Variants in USH2A observed in about 807,000 individuals in gnomAD.
The protein encoded by USH2A is usherin.
A neutral mutation model predicts 538.9 loss-of-function variants in USH2A; 443 were observed. The observed-to-expected ratio is 0.82, with a 90% CI of 0.76 to 0.89. USH2A has a LOEUF of 0.89. USH2A is among the 40% of genes least tolerant of loss of function. The pLI is 0.00. For missense variants in USH2A, 6,633 were observed against 6,324.8 expected, an observed-to-expected ratio of 1.05 and a Z score of -1.65; for synonymous variants, 2,413 against 2,273.5, an observed-to-expected ratio of 1.06 and a Z score of -1.75.
intron 4 of USH2A, among the ~76,000 whole-genome samples, chr1:216,349,585 TC>T (rs1188088305): frequency 1.3e-5 from 2 of 152,030 alleles, no homozygotes; most frequent in African/African-American, 4.8e-5. Flanking sequence ...TCACTGATAC[TC>T]TCCCATCAGT....
chr1:216,347,596 G>A (rs1213388870), intron 4 of USH2A, among the ~76,000 whole-genome samples: 2 of 152,052 alleles, frequency 1.3e-5, no homozygotes, highest in Non-Finnish European at 2.9e-5. Context: ...GTAAAAATAT[G>A]TTATTGGTTT....
intron 2 of USH2A, among the ~76,000 whole-genome samples, chr1:216,420,337 TG>T (rs1157031552): frequency 4.6e-5 from 7 of 152,142 alleles, no homozygotes; most frequent in African/African-American, 1.4e-4. Context: ...ATACTAGCTT[TG>T]GTAGATAATA....
chr1:216,280,104 C>T (rs1425039307), intron 11 of USH2A, among the ~76,000 whole-genome samples: 1 of 151,454 alleles, frequency 6.6e-6, no homozygotes. Flanking sequence ...AGGCCTGGGA[C>T]TCTATTTGAT....
At position 215,670,410 on chromosome 1, in the gene USH2A, C is replaced by T. The variant is rs1571944974; in HGVS notation, c.14133+562G>A. On this transcript the variant is annotated intron_variant, in intron 64 of 71. Coordinates refer to ENST00000307340, the MANE Select transcript of USH2A (RefSeq NM_206933.4). ...ACAAAACAAACCTAACAGAAGTCCT[C>T]CACAGAATTCACCATATTTTCTGAA... is the stretch of plus-strand genomic sequence containing the variant. 2.6e-5 allele frequency among the ~76,000 whole-genome samples: 4 copies of T among 152,278 alleles called. No individual in the cohort carries two copies. In the Middle Eastern group the frequency reaches 0.01, roughly 388 times the overall value.
At position 215,671,380 on chromosome 1, in the gene USH2A, A is replaced by G. The variant is rs1050533087; in HGVS notation, c.13812-87T>C. 3.0e-6 allele frequency: 4 copies of G among 1,355,680 alleles called. No homozygotes were observed. In the African/African-American group the frequency reaches 5.8e-5, roughly 20 times the overall value. 84.0% of individuals were successfully genotyped at this position (1,355,680 alleles called of 1,614,324 possible). On this transcript the variant is annotated intron_variant, in intron 63 of 71. Coordinates refer to ENST00000307340, the MANE Select transcript of USH2A (RefSeq NM_206933.4). Reference sequence around the variant, plus strand: ...TTTAAAACACCAGGCCTTAAAAAAAAAAGACAAGCTTACATGTATTCTTAT... The same window carrying G: ...TTTAAAACACCAGGCCTTAAAAAAAGAAGACAAGCTTACATGTATTCTTAT...
intron 61 of USH2A, among the ~76,000 whole-genome samples, chr1:215,722,969 A>G (rs371812791): frequency 1.2e-4 from 18 of 152,268 alleles, no homozygotes; most frequent in African/African-American, 3.6e-4. Flanking sequence ...AATATCGCCA[A>G]CCTTGCCAGG....
At chr1:215,996,947 G>C (rs1053878419) in intron 34 of USH2A, among the ~76,000 whole-genome samples, 3 of 152,078 alleles carry the variant, frequency 2.0e-5, no homozygotes, top group Admixed American at 2.0e-4. Context: ...TAAAGGCTTT[G>C]TTATCTTTAT....
At chr1:215,965,047 T>C (rs896363600) in intron 37 of USH2A, among the ~76,000 whole-genome samples, 46 of 152,258 alleles carry the variant, frequency 3.0e-4, no homozygotes, top group Middle Eastern at 3.4e-3. Context: ...TGTTAGACCT[T>C]AGCCTCTAGA....
intron 34 of USH2A, 53 bp downstream of exon 34, chr1:215,998,834 G>A: frequency 1.3e-6 from 2 of 1,582,564 alleles, no homozygotes; most frequent in South Asian, 1.1e-5. Flanking sequence ...CCACGGGAAG[G>A]GGAGAAGAAG....
At chr1:216,025,367 A>C (rs1461156584) in intron 32 of USH2A, among the ~76,000 whole-genome samples, 1 of 148,836 alleles carries the variant, frequency 6.7e-6, no homozygotes. Flanking sequence ...CTTTTCTTAG[A>C]GCTTTCATGG....
intron 12 of USH2A, among the ~76,000 whole-genome samples, chr1:216,247,930 GA>G (rs937572618): frequency 6.6e-6 from 1 of 151,746 alleles, no homozygotes; most frequent in Non-Finnish European, 1.5e-5. Context: ...TGGGAAAAAA[GA>G]AAAAAATGTC....
chr1:215,932,000 T>G (rs1031305048), intron 38 of USH2A, among the ~76,000 whole-genome samples: 2 of 152,024 alleles, frequency 1.3e-5, no homozygotes, highest in Admixed American at 1.3e-4. Context: ...AGGTCATATT[T>G]GATAGCAAAT....
At chr1:216,161,879 T>G (rs556339633) in intron 21 of USH2A, among the ~76,000 whole-genome samples, 1 of 152,194 alleles carries the variant, frequency 6.6e-6, no homozygotes. Context: ...GGCATTCATT[T>G]ATTGTTGTTG....
chr1:215,658,382 T>A lies in USH2A; in HGVS notation c.14134-7581A>T, dbSNP rs115744944. On this transcript the variant is annotated intron_variant, in intron 64 of 71. Coordinates refer to ENST00000307340, the MANE Select transcript of USH2A (RefSeq NM_206933.4). The stretch of plus-strand genomic sequence containing the variant: ...CACTTACACTTTTGTAAGTGTATTC[T>A]ATGTACTAATTTTGCATTTTTCCTC... Among the ~76,000 whole-genome samples, 1,139 of 152,254 alleles carry A rather than the reference T, an allele frequency of 7.5e-3. 9 individuals carry two copies. Among genetic ancestry groups the A allele is most frequent in the Admixed American group, 0.012 (180 of 15,300 alleles).
intron 55 of USH2A, among the ~76,000 whole-genome samples, chr1:215,771,192 G>A (rs1211756388): frequency 6.6e-6 from 1 of 151,664 alleles, no homozygotes; most frequent in East Asian, 2.0e-4. Context: ...CAATTACACT[G>A]AGAAATGTGG....
At chr1:216,414,350 T>A (rs1048456007) in intron 3 of USH2A, among the ~76,000 whole-genome samples, 12 of 152,110 alleles carry the variant, frequency 7.9e-5, no homozygotes, top group Admixed American at 7.9e-4. Context: ...TCCAACAGAT[T>A]GACACTTTAA....
chr1:215,646,858 C>T (rs1336146107), intron 67 of USH2A, among the ~76,000 whole-genome samples: 3 of 152,074 alleles, frequency 2.0e-5, no homozygotes, highest in Non-Finnish European at 4.4e-5. Context: ...TTTTTCTGTG[C>T]CTTTTCTATG....
In USH2A at chr1:215,982,501, T is replaced by A. The variant is rs190944694; in HGVS notation, c.6805+10519A>T. On this transcript the variant is annotated intron_variant, in intron 35 of 71. Coordinates refer to ENST00000307340, the MANE Select transcript of USH2A (RefSeq NM_206933.4). The stretch of plus-strand genomic sequence containing the variant: ...CTGTATTCCTCCGTGGCACACTATC[T>A]GTCATTAGCCAATAGTTTCTTATAT... Among the ~76,000 whole-genome samples, 527 of 152,362 alleles carry A rather than the reference T, an allele frequency of 3.5e-3. 2 individuals are homozygous for A. Among genetic ancestry groups the A allele is most frequent in the African/African-American group, 0.012 (508 of 41,594 alleles).
chr1:215,882,696 T>A, intron 41 of USH2A, among the ~76,000 whole-genome samples: 1 of 152,162 alleles, frequency 6.6e-6, no homozygotes, highest in East Asian at 1.9e-4. Flanking sequence ...TTTTATTTTT[T>A]AAAAACTTTT....
Sources: gnomAD v4.1 joint callset for allele counts (sites outside exome capture counted in the v4.1 genomes callset) on GRCh38, gnomAD v4.1.1 for gene constraint, MANE v1.5 for transcripts, NCBI Gene and HGNC (gene_info 2026-07-23, HGNC 2026-07-21) for gene names.